The following CTNND2 variants were observed in gnomAD, a reference collection of about 807,000 sequenced individuals.
The protein encoded by CTNND2 is catenin delta 2, also known as catenin delta-2.
In CTNND2, 22 loss-of-function variants were observed where a neutral mutation model predicts 144.4. The ratio of observed to expected loss-of-function variants is 0.15; its 90% CI spans 0.11 to 0.22. CTNND2 has a LOEUF of 0.22. CTNND2 is among the 10% of genes least tolerant of loss of function. The pLI is 1.00. For synonymous variants in CTNND2, 751 were observed against 695.6 expected, an observed-to-expected ratio of 1.08 and a Z score of -1.25; for missense variants, 1,353 against 1,618.8, an observed-to-expected ratio of 0.84 and a Z score of 2.82.
intron 2 of CTNND2, among the ~76,000 whole-genome samples, chr5:11,666,426 T>A (rs1315749084): frequency 4.6e-5 from 7 of 152,244 alleles, no homozygotes; most frequent in African/African-American, 1.7e-4. Flanking sequence ...CTTGAAAGAT[T>A]ATTGCACTCT....
At chr5:11,665,911 C>T (rs1783544179) in intron 2 of CTNND2, among the ~76,000 whole-genome samples, 1 of 152,048 alleles carries the variant, frequency 6.6e-6, no homozygotes, top group African/African-American at 2.4e-5. Flanking sequence ...TAGGGGAAAA[C>T]AAAATGCATC....
intron 10 of CTNND2, among the ~76,000 whole-genome samples, chr5:11,210,173 G>C (rs368929152): frequency 1.2e-4 from 18 of 152,098 alleles, no homozygotes; most frequent in East Asian, 5.8e-4. Context: ...AAGATGTGCA[G>C]ATCACTTGAG....
intron 1 of CTNND2, among the ~76,000 whole-genome samples, chr5:11,894,514 G>T (rs948191521): frequency 7.9e-5 from 12 of 152,160 alleles, no homozygotes; most frequent in African/African-American, 2.9e-4. Flanking sequence ...AAAATTCAGA[G>T]ATTTAGTTTT....
chr5:11,589,374 T>C (rs1420649310), intron 2 of CTNND2, among the ~76,000 whole-genome samples: 1 of 152,000 alleles, frequency 6.6e-6, no homozygotes, highest in East Asian at 1.9e-4. Context: ...ATAGACTTTA[T>C]TTCCTTGATG....
intron 2 of CTNND2, among the ~76,000 whole-genome samples, chr5:11,724,747 T>C (rs764934495): frequency 1.2e-4 from 19 of 152,236 alleles, no homozygotes; most frequent in Non-Finnish European, 2.5e-4. Context: ...AACTATGGAC[T>C]AGACTTTTAT....
chr5:11,677,009 T>C (rs996454452), intron 2 of CTNND2, among the ~76,000 whole-genome samples: 1 of 152,232 alleles, frequency 6.6e-6, no homozygotes, highest in Non-Finnish European at 1.5e-5. Flanking sequence ...AACCAATCTT[T>C]CCTTTCTGAA....
rs61751769 is a variant in CTNND2, at chr5:11,213,259, G to A, written c.1762-13598C>T. On this transcript the variant is annotated intron_variant, in intron 10 of 21. Transcript: ENST00000304623. ...CCTCCACAATCAGAGGGTGGAGGCCGCTGGGATCCCAGAGGCTGAGCAAAA... is the reference window on the plus strand; with the variant it reads ...CCTCCACAATCAGAGGGTGGAGGCCACTGGGATCCCAGAGGCTGAGCAAAA... 3.5e-4 allele frequency among the ~76,000 whole-genome samples: 53 copies of A among 152,118 alleles called. 1 individual carries two copies. In the East Asian group the frequency reaches 6.8e-3, roughly 20 times the overall value.
intron 12 of CTNND2, among the ~76,000 whole-genome samples, chr5:11,129,055 A>T (rs1164086893): frequency 3.0e-5 from 1 of 32,880 alleles, no homozygotes; most frequent in Non-Finnish European, 6.3e-5. Context: ...TATATAAATA[A>T]AATATATATT....
chr5:11,229,670 G>GTA (rs1320182720), intron 10 of CTNND2, among the ~76,000 whole-genome samples: 45 of 140,400 alleles, frequency 3.2e-4, no homozygotes, highest in South Asian at 4.4e-4. Flanking sequence ...GTGTGTGTGT[G>GTA]TGTATATATA....
At chr5:11,558,805 G>C (rs1340181871) in intron 3 of CTNND2, among the ~76,000 whole-genome samples, 1 of 152,150 alleles carries the variant, frequency 6.6e-6, no homozygotes, top group African/African-American at 2.4e-5. Context: ...TGCACTTACT[G>C]TCTATGTGGC....
intron 9 of CTNND2, among the ~76,000 whole-genome samples, chr5:11,303,306 G>T (rs2150036472): frequency 6.6e-6 from 1 of 152,314 alleles, no homozygotes; most frequent in African/African-American, 2.4e-5. Flanking sequence ...TGTCAGTACA[G>T]GTTGCTCATG....
At chr5:11,662,178 C>CACAT (rs1554101263) in intron 2 of CTNND2, among the ~76,000 whole-genome samples, 2 of 120,392 alleles carry the variant, frequency 1.7e-5, no homozygotes, top group South Asian at 2.6e-4. Flanking sequence ...TGTATATATA[C>CACAT]ATATATGTGT....
chr5:11,137,523 G>A (rs540289947), intron 12 of CTNND2, among the ~76,000 whole-genome samples: 1 of 152,108 alleles, frequency 6.6e-6, no homozygotes, highest in Non-Finnish European at 1.5e-5. Context: ...CTAAGCCTTG[G>A]TTTACTATTT....
chr5:11,486,177 A>G (rs906104824), intron 3 of CTNND2, among the ~76,000 whole-genome samples: 9 of 152,226 alleles, frequency 5.9e-5, no homozygotes, highest in Non-Finnish European at 8.8e-5. Flanking sequence ...CAGGAGGATG[A>G]GATAATATCC....
chr5:11,667,320 T>C (rs558556590), intron 2 of CTNND2, among the ~76,000 whole-genome samples: 3 of 152,326 alleles, frequency 2.0e-5, no homozygotes, highest in East Asian at 1.9e-4. Flanking sequence ...TTTCTAGTCC[T>C]AGATCCTTGA....
intron 1 of CTNND2, among the ~76,000 whole-genome samples, chr5:11,841,672 G>T (rs781682190): frequency 1.3e-5 from 2 of 152,060 alleles, no homozygotes. Context: ...TTCAGCAGGG[G>T]TGACATTATA....
At chr5:11,529,973 T>C (rs1175685700) in intron 3 of CTNND2, among the ~76,000 whole-genome samples, 1 of 151,536 alleles carries the variant, frequency 6.6e-6, no homozygotes, top group African/African-American at 2.4e-5. Context: ...TGCTATAAGA[T>C]TGCTTTTTAA....
At chr5:11,660,535 T>C (rs1783143933) in intron 2 of CTNND2, among the ~76,000 whole-genome samples, 1 of 152,066 alleles carries the variant, frequency 6.6e-6, no homozygotes, top group African/African-American at 2.4e-5. Flanking sequence ...TGGAGTAGGC[T>C]CAGTTTCCCA....
chr5:11,665,833 G>A (rs899915528), intron 2 of CTNND2, among the ~76,000 whole-genome samples: 1 of 152,078 alleles, frequency 6.6e-6, no homozygotes, highest in African/African-American at 2.4e-5. Context: ...CTTCCAAGTG[G>A]ACCACAAGGG....
Sources: allele counts gnomAD v4.1 joint callset (sites outside exome capture counted in the v4.1 genomes callset), GRCh38; gene constraint gnomAD v4.1.1; transcripts MANE v1.5; gene names NCBI Gene and HGNC (gene_info 2026-07-23, HGNC 2026-07-21).